Variants in IDI2 observed in about 807,000 individuals in gnomAD.
IDI2 encodes the protein isopentenyl-diphosphate delta-isomerase 2.
Under a neutral mutation model 14.8 loss-of-function variants are expected in IDI2, and 18 were observed. The observed-to-expected ratio is 1.22, with a 90% CI of 0.84 to 1.80. The LOEUF is 1.80. Ranked by LOEUF, IDI2 falls within the 40% of genes most tolerant of loss-of-function variation. The pLI, the probability that IDI2 is intolerant of heterozygous loss-of-function variation, is 0.00. For missense variants in IDI2, 316 were observed against 283.2 expected, an observed-to-expected ratio of 1.12 and a Z score of -0.83; for synonymous variants, 133 against 109.6, an observed-to-expected ratio of 1.21 and a Z score of -1.33.
Position 1,019,455 on chromosome 10 carries a change from C to T in IDI2, c.*62G>A. 1.5e-6 allele frequency: 2 copies of T among 1,377,958 alleles called. No homozygotes were observed. Among genetic ancestry groups the T allele is most frequent in the Non-Finnish European group, 2.0e-6 (2 of 1,006,118 alleles). 85.4% of individuals were successfully genotyped at this position (1,377,958 alleles called of 1,614,324 possible). A position where few individuals can be genotyped will look rare whatever the true frequency, so the allele number is the denominator to read the frequency against. On this transcript the variant is annotated 3_prime_UTR_variant, in exon 5 of 5. Coordinates refer to ENST00000277517, the MANE Select transcript of IDI2 (RefSeq NM_033261.3). Reference sequence around the variant, plus strand: ...TTTTTTGGAGAGGGTGTATCATTGCCTCAATGGTGCGTCTGCCTGCACTGA... The same window carrying T: ...TTTTTTGGAGAGGGTGTATCATTGCTTCAATGGTGCGTCTGCCTGCACTGA...
At chr10:1,022,834 C>G in intron 2 of IDI2, 59 bp from the exon 3 acceptor site, 2 of 1,326,576 alleles carry the variant, frequency 1.5e-6, no homozygotes, top group Non-Finnish European at 2.2e-6. Context: ...GATTGTCCTT[C>G]GTGCTTTTTG....
At position 1,025,560 on chromosome 10, in the gene IDI2, T is replaced by A. The variant is rs534927433; in HGVS notation, c.-22+256A>T. Among the ~76,000 whole-genome samples, 1,385 of 145,476 alleles carry A rather than the reference T, an allele frequency of 9.5e-3. 21 individuals carry two copies. The highest frequency in any genetic ancestry group is 0.033 in the African/African-American group (1,302 of 39,252). On this transcript the variant is annotated intron_variant, in intron 1 of 4. Transcript: ENST00000277517. The stretch of plus-strand genomic sequence containing the variant: ...CTGTCTCAAAAAAAAAAAAAAAAAA[T>A]GTTTTCAGGGTCATTTATCTTCATG...
chr10:1,021,861 C>T (rs760750746), intron 3 of IDI2, among the ~76,000 whole-genome samples: 8 of 152,350 alleles, frequency 5.3e-5, no homozygotes, highest in South Asian at 4.1e-4. Flanking sequence ...CGTGCTTAGC[C>T]ATTCGCTTTA....
At position 1,019,640 on chromosome 10, in the gene IDI2, C is replaced by T. The variant is rs201575182; in HGVS notation, c.561G>A (p.Ala187=). 4.6e-4 allele frequency: 750 copies of T among 1,614,034 alleles called. 5 individuals are homozygous for T. Among genetic ancestry groups the T allele is most frequent in the South Asian group, 4.3e-3 (392 of 91,068 alleles). ...AGGGGGTGACTTTGACTTCACCCCT[C>T]GCCTCCCTCTCCAGCAGCTCCCACA... ...EELWELLERE[A]RGEVKVTPWL... The change falls in exon 5 of 5, where the codon GCG becomes GCA. Residue 187 remains alanine (A), a synonymous_variant. Transcript: ENST00000277517.
chr10:1,025,004 G>T, intron 1 of IDI2, among the ~76,000 whole-genome samples: 1 of 70,588 alleles, frequency 1.4e-5, no homozygotes, highest in Non-Finnish European at 3.0e-5. Flanking sequence ...AAGAATCCCC[G>T]CCCCACCACA....
Position 1,024,603 on chromosome 10 carries a change from G to A in IDI2, c.121C>T (p.Leu41=), listed in dbSNP as rs1399430757. 5 of 1,614,006 alleles carry A rather than the reference G, an allele frequency of 3.1e-6. No individual in the cohort carries two copies. The highest frequency in any genetic ancestry group is 4.2e-6 in the Non-Finnish European group (5 of 1,180,036). Reference sequence around the variant, plus strand: ...CTACCTTTCTCAATGTTTTCGTTCAGATGGCAATTCCTCTTGGTGTCGGCA... The same window carrying A: ...CTACCTTTCTCAATGTTTTCGTTCAAATGGCAATTCCTCTTGGTGTCGGCA... The part of the protein sequence containing the change: ...IGADTKRNCH[L]NENIEKGLLH... Residue 41 remains leucine, a synonymous_variant, in exon 2 of 5, where the codon CTG becomes TTG. Coordinates refer to ENST00000277517, the MANE Select transcript of IDI2 (RefSeq NM_033261.3).
At chr10:1,022,151 T>C (rs966912439) in intron 3 of IDI2, among the ~76,000 whole-genome samples, 3 of 151,608 alleles carry the variant, frequency 2.0e-5, no homozygotes, top group Non-Finnish European at 2.9e-5. Flanking sequence ...CCCAGCTACT[T>C]GGGAGGCTGA....
Position 1,019,563 on chromosome 10 carries a change from T to C in IDI2, c.638A>G (p.Asp213Gly). The change falls in exon 5 of 5, where the codon GAT (aspartate) becomes GGT (glycine). Residue 213 changes from aspartate (D) to glycine (G), a missense_variant. Physicochemically the swap from Asp to Gly is moderately conservative, Grantham distance 94 (BLOSUM62 -1). Coordinates refer to ENST00000277517, the MANE Select transcript of IDI2 (RefSeq NM_033261.3). ...AAGCTCCACAAACGGGGTCACGTCA[T>C]CCAGGTGAGGCCACCACCGGTACAG... ...RFLYRWWPHL[D>G]DVTPFVELHK... is the part of the protein sequence containing the mutation. 1.2e-6 allele frequency: 2 copies of C among 1,613,940 alleles called. No individual in the cohort carries two copies. The highest frequency in any genetic ancestry group is 1.7e-6 in the Non-Finnish European group (2 of 1,179,958).
chr10:1,022,431 G>A (rs1011374590), intron 3 of IDI2, among the ~76,000 whole-genome samples: 10 of 152,054 alleles, frequency 6.6e-5, no homozygotes, highest in African/African-American at 1.2e-4. Flanking sequence ...GTAACTTGCC[G>A]TTGCAAAGAA....
chr10:1,023,610 C>T (rs1589037976), intron 2 of IDI2, among the ~76,000 whole-genome samples: 2 of 152,078 alleles, frequency 1.3e-5, no homozygotes, highest in African/African-American at 2.4e-5. Context: ...TATGTGGGCT[C>T]TAAAGAAGTT....
In IDI2 at chr10:1,019,692, C is replaced by T. The variant is rs1832055986; in HGVS notation, c.509G>A (p.Ser170Asn). 1.2e-5 allele frequency: 20 copies of T among 1,613,932 alleles called. 1 individual carries two copies. The African/African-American group carries it at 1.6e-4, about 13-fold the overall frequency. ...CTCCTCCTGGGACAGGTAGAGGATGCTTTTCGTTTCACTGGGATCCGGGTT... is the reference window on the plus strand; with the variant it reads ...CTCCTCCTGGGACAGGTAGAGGATGTTTTTCGTTTCACTGGGATCCGGGTT... ...TLNPDPSETK[S>N]ILYLSQEELW... Residue 170 changes from serine (S) to asparagine (N), a missense_variant, in exon 5 of 5, where the codon AGC (serine) becomes AAC (asparagine). By Grantham distance (46) the Ser-to-Asn change is conservative. Transcript: ENST00000277517.
At chr10:1,020,052 T>A (rs1554817807) in intron 4 of IDI2, 8 of 574,244 alleles carry the variant, frequency 1.4e-5, no homozygotes, top group Non-Finnish European at 2.2e-5. Context: ...TAAACCTGTC[T>A]GTCTTCATTT....
intron 2 of IDI2, 27 bp downstream of exon 2, chr10:1,024,555 T>C: frequency 6.2e-7 from 1 of 1,613,024 alleles, no homozygotes; most frequent in Non-Finnish European, 8.5e-7. Flanking sequence ...CCCTGGGAAC[T>C]GGACAGAGAA....
chr10:1,021,612 T>C (rs748823077), intron 3 of IDI2, among the ~76,000 whole-genome samples: 27 of 152,196 alleles, frequency 1.8e-4, no homozygotes, highest in Admixed American at 2.6e-4. Flanking sequence ...TAACACATGA[T>C]AGGAAATCTT....
At chr10:1,024,495 A>G (rs1429244736) in intron 2 of IDI2, 87 bp downstream of exon 2, 5 of 1,457,752 alleles carry the variant, frequency 3.4e-6, no homozygotes, top group East Asian at 2.3e-5. Context: ...CTAGCCGGAA[A>G]GGCCTAGACT....
rs11384261 is a variant in IDI2, at chr10:1,022,259, CAA to C, written c.235+422_235+423del. ...GGGTGACTGAGCCAGACTCCATCTC[CAA>C]AAAAAAAAAAAAATTTTAAGTTGTA... is the stretch of plus-strand genomic sequence containing the variant. On this transcript the variant is annotated intron_variant, in intron 3 of 4. Coordinates refer to ENST00000277517, the MANE Select transcript of IDI2 (RefSeq NM_033261.3). Among the ~76,000 whole-genome samples the C allele has an allele frequency of 2.3e-3, 305 of 131,142 alleles. 2 individuals are homozygous for C. Among genetic ancestry groups the C allele is most frequent in the African/African-American group, 8.0e-3 (284 of 35,698 alleles). 86.0% of individuals were successfully genotyped at this position (131,142 alleles called of 152,430 possible).
At chr10:1,021,078 G>T (rs557058361) in intron 3 of IDI2, among the ~76,000 whole-genome samples, 181 bp from the exon 4 acceptor site, 1 of 152,358 alleles carries the variant, frequency 6.6e-6, no homozygotes, top group East Asian at 1.9e-4. Context: ...ACGGCTGTGG[G>T]CTTGGTGAGG....
Position 1,024,758 on chromosome 10 carries a change from A to G in IDI2, c.-21-14T>C, listed in dbSNP as rs201381652. On this transcript the variant is annotated splice_polypyrimidine_tract_variant and intron_variant, in intron 1 of 4. Coordinates refer to ENST00000277517, the MANE Select transcript of IDI2 (RefSeq NM_033261.3). ...CTGTGACCCGACCTGAAATAGATGC[A>G]CACAAATGCCTCTTTATGTGAAAGA... The G allele has an allele frequency of 9.3e-6, 15 of 1,613,078 alleles. No homozygotes were observed. The African/African-American group carries it at 2.0e-4, about 22-fold the overall frequency.
chr10:1,025,010 CCACACACACACACACACA>C (rs72086728), intron 1 of IDI2, among the ~76,000 whole-genome samples: 64,966 of 145,078 alleles, frequency 0.45, 14,302 homozygotes, highest in Non-Finnish European at 0.46. Context: ...CCCCGCCCCA[CCACACACACACACACACA>C]CACACACACA....
Sources: gnomAD v4.1 joint callset for allele counts (sites outside exome capture counted in the v4.1 genomes callset) on GRCh38, gnomAD v4.1.1 for gene constraint, MANE v1.5 for transcripts, NCBI Gene and HGNC (gene_info 2026-07-23, HGNC 2026-07-21) for gene names.